Variants in TMEM132D observed in about 807,000 individuals in gnomAD.
TMEM132D encodes mature OL transmembrane protein.
TMEM132D carries 21 observed loss-of-function variants against 62.3 expected under a neutral mutation model. The observed-to-expected ratio is 0.34, with a 90% CI of 0.24 to 0.49. The LOEUF is 0.49. Among genes scored for constraint, TMEM132D ranks in the 20% least tolerant of loss-of-function variants. TMEM132D has a pLI of 0.99. For synonymous variants in TMEM132D, 621 were observed against 575.6 expected, an observed-to-expected ratio of 1.08 and a Z score of -1.13; for missense variants, 1,346 against 1,402.8, an observed-to-expected ratio of 0.96 and a Z score of 0.65.
At position 129,390,860 on chromosome 12, in the gene TMEM132D, T is replaced by C. The variant is rs115042077; in HGVS notation, c.1116-53043A>G. ...GCATTCTCACCCTGGCTCTATACTA[T>C]TGGTTGGATGTAGGCTTCATAACTT... On this transcript the variant is annotated intron_variant, in intron 3 of 8. Transcript: ENST00000422113. Among the ~76,000 whole-genome samples the C allele has an allele frequency of 5.3e-3, 803 of 152,292 alleles. 3 individuals are homozygous for C. The highest frequency in any genetic ancestry group is 0.018 in the African/African-American group (756 of 41,546).
chr12:129,080,032 G>A (rs1010990920), intron 7 of TMEM132D, among the ~76,000 whole-genome samples: 7 of 152,222 alleles, frequency 4.6e-5, no homozygotes, highest in Non-Finnish European at 7.4e-5. Flanking sequence ...TGAGTTTCTG[G>A]GCATCAGTAT....
intron 5 of TMEM132D, among the ~76,000 whole-genome samples, chr12:129,132,543 C>T (rs531886638): frequency 5.0e-4 from 76 of 152,216 alleles, no homozygotes; most frequent in Middle Eastern, 6.8e-3. Context: ...CATTAGGTCT[C>T]CAGAAGGTAT....
intron 3 of TMEM132D, among the ~76,000 whole-genome samples, chr12:129,495,712 G>A (rs1000429055): frequency 2.0e-5 from 3 of 152,166 alleles, no homozygotes; most frequent in Admixed American, 6.5e-5. Flanking sequence ...CTAAGACAAT[G>A]GGGAGTGCCG....
chr12:129,497,944 A>G (rs1311556113), intron 3 of TMEM132D, among the ~76,000 whole-genome samples: 2 of 152,092 alleles, frequency 1.3e-5, no homozygotes, highest in Non-Finnish European at 2.9e-5. Context: ...TAGAGGCATA[A>G]GCTACTATGC....
At chr12:129,283,673 C>T (rs182436313) in intron 4 of TMEM132D, among the ~76,000 whole-genome samples, 11 of 152,210 alleles carry the variant, frequency 7.2e-5, no homozygotes, top group Admixed American at 1.3e-4. Context: ...GAGGCAGTGA[C>T]TGCAGATGAT....
chr12:129,410,506 C>T (rs568660208), intron 3 of TMEM132D, among the ~76,000 whole-genome samples: 15 of 151,714 alleles, frequency 9.9e-5, no homozygotes, highest in Middle Eastern at 3.4e-3. Flanking sequence ...ATTACAGGTG[C>T]GCACCACCAA....
chr12:129,182,936 T>C (rs1204519152), intron 5 of TMEM132D, among the ~76,000 whole-genome samples: 1 of 152,094 alleles, frequency 6.6e-6, no homozygotes, highest in African/African-American at 2.4e-5. Flanking sequence ...GAGCTGCTCA[T>C]GGGGTGGTGG....
At chr12:129,412,443 C>T (rs915916246) in intron 3 of TMEM132D, among the ~76,000 whole-genome samples, 10 of 152,112 alleles carry the variant, frequency 6.6e-5, no homozygotes, top group African/African-American at 2.4e-4. Context: ...TGTGGCTTTG[C>T]CTAATATTTT....
intron 1 of TMEM132D, among the ~76,000 whole-genome samples, chr12:129,713,001 T>C (rs1316363996): frequency 1.3e-5 from 2 of 152,194 alleles, no homozygotes; most frequent in Non-Finnish European, 2.9e-5. Flanking sequence ...ATTTAGCCAC[T>C]GTTACTTAGC....
intron 2 of TMEM132D, among the ~76,000 whole-genome samples, chr12:129,672,058 G>A (rs751006645): frequency 2.0e-5 from 3 of 152,166 alleles, no homozygotes; most frequent in Non-Finnish European, 4.4e-5. Context: ...TGCAAATAAG[G>A]TGGACAGTGG....
chr12:129,556,546 C>CAAATACTAATATA (rs1877064119), intron 2 of TMEM132D, among the ~76,000 whole-genome samples: 1 of 151,990 alleles, frequency 6.6e-6, no homozygotes, highest in Non-Finnish European at 1.5e-5. Context: ...GAAAAAACCT[C>CAAATACTAATATA]AAATACTAAT....
At chr12:129,692,859 G>A (rs1024561418) in intron 2 of TMEM132D, among the ~76,000 whole-genome samples, 4 of 152,000 alleles carry the variant, frequency 2.6e-5, no homozygotes, top group African/African-American at 9.7e-5. Context: ...GGAGGGCAGT[G>A]GGGGGAGAGC....
rs76011709 is a variant in TMEM132D, at chr12:129,279,302, C to T, written c.1299+58332G>A. Among the ~76,000 whole-genome samples the T allele has an allele frequency of 8.3e-3, 1,260 of 152,232 alleles. 12 individuals carry two copies. The highest frequency in any genetic ancestry group is 0.023 in the African/African-American group (938 of 41,538). On this transcript the variant is annotated intron_variant, in intron 4 of 8. Transcript: ENST00000422113. ...GCCTAAATTCAGTGGAGTGATAACA[C>T]GTTAAGTAAGTGTAACTCTAATGGA...
At chr12:129,792,792 G>A (rs1437925372) in intron 1 of TMEM132D, among the ~76,000 whole-genome samples, 2 of 152,192 alleles carry the variant, frequency 1.3e-5, no homozygotes, top group African/African-American at 2.4e-5. Flanking sequence ...CATTATCGAA[G>A]GGAAGAGCTG....
chr12:129,373,245 T>C (rs1167412401), intron 3 of TMEM132D, among the ~76,000 whole-genome samples: 1 of 152,120 alleles, frequency 6.6e-6, no homozygotes, highest in African/African-American at 2.4e-5. Flanking sequence ...CCAACCCTCA[T>C]TCCAATAATA....
At chr12:129,449,926 CTA>C (rs541381912) in intron 3 of TMEM132D, among the ~76,000 whole-genome samples, 1 of 152,250 alleles carries the variant, frequency 6.6e-6, no homozygotes, top group Admixed American at 6.5e-5. Context: ...AATTTTGACT[CTA>C]AAAGAGTTTC....
intron 2 of TMEM132D, among the ~76,000 whole-genome samples, chr12:129,555,184 C>A (rs1877020752): frequency 6.6e-6 from 1 of 152,180 alleles, no homozygotes; most frequent in Admixed American, 6.5e-5. Flanking sequence ...ATTTAGTCTC[C>A]TTTTTATTAG....
chr12:129,612,937 A>G, intron 2 of TMEM132D, among the ~76,000 whole-genome samples: 1 of 152,194 alleles, frequency 6.6e-6, no homozygotes, highest in Admixed American at 6.5e-5. Context: ...ATATTTTAAC[A>G]TTTCATGTCT....
intron 5 of TMEM132D, among the ~76,000 whole-genome samples, chr12:129,136,899 T>A (rs1343904969): frequency 6.7e-6 from 1 of 148,532 alleles, no homozygotes; most frequent in East Asian, 2.0e-4. Context: ...ACCACCATCA[T>A]CACCATCATC....
Sources: allele counts gnomAD v4.1 joint callset (sites outside exome capture counted in the v4.1 genomes callset), GRCh38; gene constraint gnomAD v4.1.1; transcripts MANE v1.5; gene names NCBI Gene and HGNC (gene_info 2026-07-23, HGNC 2026-07-21).